The following FAM107B variants were observed in gnomAD, a reference collection of about 807,000 sequenced individuals.
The protein encoded by FAM107B is protein FAM107B.
In FAM107B, 21 loss-of-function variants were observed where a neutral mutation model predicts 31.5. That is an observed-to-expected ratio of 0.67 (90% CI 0.47 to 0.96). FAM107B has a LOEUF of 0.96. FAM107B is among the 40% of genes least tolerant of loss of function. The pLI, the probability that FAM107B is intolerant of heterozygous loss-of-function variation, is 0.00. For missense variants in FAM107B, 452 were observed against 377.1 expected (o/e 1.20, Z -1.64); for synonymous variants, 157 against 141.5 (o/e 1.11, Z -0.78).
intron 1 of FAM107B, among the ~76,000 whole-genome samples, chr10:14,734,441 A>G (rs956888956): frequency 6.6e-6 from 1 of 151,612 alleles, no homozygotes; most frequent in Non-Finnish European, 1.5e-5. Flanking sequence ...AGGTGGCACA[A>G]CACAAATTCA....
At chr10:14,614,865 GA>G (rs1210000526) in intron 2 of FAM107B, among the ~76,000 whole-genome samples, 24 of 151,968 alleles carry the variant, frequency 1.6e-4, no homozygotes, top group African/African-American at 5.6e-4. Context: ...ACCAACCCAA[GA>G]ATCACTCGGG....
At chr10:14,732,761 C>T (rs1039308997) in intron 1 of FAM107B, among the ~76,000 whole-genome samples, 1 of 147,564 alleles carries the variant, frequency 6.8e-6, no homozygotes, top group Non-Finnish European at 1.5e-5. Flanking sequence ...CATTGTTAAA[C>T]ATATAACATA....
At chr10:14,767,214 C>A (rs1778249265) in intron 1 of FAM107B, among the ~76,000 whole-genome samples, 1 of 149,712 alleles carries the variant, frequency 6.7e-6, no homozygotes, top group Non-Finnish European at 1.5e-5. Context: ...CTGCCTCAGC[C>A]TCCTGAGTAG....
chr10:14,553,218 A>T (rs577340226), intron 2 of FAM107B: 38 of 393,506 alleles, frequency 9.7e-5, no homozygotes, highest in African/African-American at 6.3e-4. Context: ...CAAATTAAAG[A>T]TGACTTCAAT....
intron 2 of FAM107B, among the ~76,000 whole-genome samples, chr10:14,544,253 C>T (rs921521705): frequency 3.3e-5 from 5 of 152,136 alleles, no homozygotes; most frequent in East Asian, 1.9e-4. Flanking sequence ...ATACCGTATA[C>T]GATAAATAAA....
chr10:14,762,418 A>G (rs1833068252), intron 1 of FAM107B, among the ~76,000 whole-genome samples: 1 of 152,230 alleles, frequency 6.6e-6, no homozygotes, highest in African/African-American at 2.4e-5. Context: ...GCGAATTAGC[A>G]TAAGAGACTT....
chr10:14,752,222 C>A (rs1382454942), intron 1 of FAM107B, among the ~76,000 whole-genome samples: 1 of 152,154 alleles, frequency 6.6e-6, no homozygotes, highest in Non-Finnish European at 1.5e-5. Flanking sequence ...AAAGTGAAGC[C>A]TGGAAAAAGG....
chr10:14,759,716 T>C lies in FAM107B; in HGVS notation c.411+14537A>G, dbSNP rs186848099. The stretch of plus-strand genomic sequence containing the variant: ...GTTTATGGTATAGAGCCTTCTTTTT[T>C]TTTCTTTTTTTTTAGATGGAGTCTC... On this transcript the variant is annotated intron_variant, in intron 1 of 4. Transcript: ENST00000181796. Among the ~76,000 whole-genome samples the C allele has an allele frequency of 7.7e-4, 117 of 152,284 alleles. 1 individual carries two copies. Among genetic ancestry groups the C allele is most frequent in the African/African-American group, 2.6e-3 (106 of 41,546 alleles).
At chr10:14,734,301 A>G (rs1328073408) in intron 1 of FAM107B, among the ~76,000 whole-genome samples, 1 of 152,128 alleles carries the variant, frequency 6.6e-6, no homozygotes, top group Non-Finnish European at 1.5e-5. Flanking sequence ...ACTGTCCCGC[A>G]CCAACTGCAG....
intron 3 of FAM107B, among the ~76,000 whole-genome samples, chr10:14,526,951 C>T (rs1846312697): frequency 6.6e-6 from 1 of 152,000 alleles, no homozygotes; most frequent in South Asian, 2.1e-4. Context: ...TATTCTCCTG[C>T]CTCAGCCTCC....
At chr10:14,693,601 T>G (rs1440423686) in intron 1 of FAM107B, among the ~76,000 whole-genome samples, 1 of 152,192 alleles carries the variant, frequency 6.6e-6, no homozygotes, top group East Asian at 1.9e-4. Flanking sequence ...TAATTTTGTG[T>G]GGCAAGAGCG....
intron 1 of FAM107B, among the ~76,000 whole-genome samples, chr10:14,746,961 C>A (rs1832737592): frequency 6.6e-6 from 1 of 152,146 alleles, no homozygotes; most frequent in South Asian, 2.1e-4. Flanking sequence ...TTTACATAAT[C>A]CCATCATTCT....
Position 14,518,795 on chromosome 10 carries a change from C to T in FAM107B, c.*2395G>A, listed in dbSNP as rs1268837137. 2 of 152,614 alleles carry T rather than the reference C, an allele frequency of 1.3e-5. No individual in the cohort carries two copies. The highest frequency in any genetic ancestry group is 2.4e-5 in the African/African-American group (1 of 41,434). The allele number at this position is 152,614 out of a possible 1,614,324, so 9.5% of individuals were successfully genotyped here. Reference sequence around the variant, plus strand: ...GACTGTTATAGCTTAGAAAGCAACACTACTACTATGAGACTATAAAACATT... The same window carrying T: ...GACTGTTATAGCTTAGAAAGCAACATTACTACTATGAGACTATAAAACATT... On this transcript the variant is annotated 3_prime_UTR_variant, in exon 5 of 5. Coordinates refer to ENST00000181796, the MANE Select transcript of FAM107B (RefSeq NM_031453.4).
At chr10:14,642,650 A>G (rs1018293316) in intron 2 of FAM107B, among the ~76,000 whole-genome samples, 3 of 152,094 alleles carry the variant, frequency 2.0e-5, no homozygotes, top group Non-Finnish European at 4.4e-5. Flanking sequence ...AGTATTTTCC[A>G]AGTCTGCAAG....
chr10:14,559,117 AC>A (rs757101787), intron 2 of FAM107B, among the ~76,000 whole-genome samples: 69 of 53,672 alleles, frequency 1.3e-3, no homozygotes, highest in East Asian at 7.7e-3. Flanking sequence ...AAAAAAAAAA[AC>A]AAAAAAAAAA....
intron 2 of FAM107B, among the ~76,000 whole-genome samples, chr10:14,572,542 T>C (rs1181707183): frequency 5.3e-5 from 8 of 151,622 alleles, no homozygotes; most frequent in Non-Finnish European, 1.5e-5. Flanking sequence ...TGCTAAGAAT[T>C]TTCTATGGGG....
At chr10:14,560,711 T>G (rs1162004591) in intron 2 of FAM107B, among the ~76,000 whole-genome samples, 1 of 152,220 alleles carries the variant, frequency 6.6e-6, no homozygotes, top group Non-Finnish European at 1.5e-5. Context: ...TGATTCAGCC[T>G]ATGTAAATGT....
chr10:14,631,566 C>G (rs1853354588), intron 2 of FAM107B, among the ~76,000 whole-genome samples: 1 of 152,186 alleles, frequency 6.6e-6, no homozygotes, highest in South Asian at 2.1e-4. Flanking sequence ...TGATTGATTT[C>G]TAAGAAGTCT....
chr10:14,658,622 CAA>C (rs1489866945), intron 2 of FAM107B, among the ~76,000 whole-genome samples: 1 of 152,194 alleles, frequency 6.6e-6, no homozygotes, highest in African/African-American at 2.4e-5. Flanking sequence ...GGGCAGAAAA[CAA>C]AGAGAAAAAG....
Sources: allele counts gnomAD v4.1 joint callset (sites outside exome capture counted in the v4.1 genomes callset), GRCh38; gene constraint gnomAD v4.1.1; transcripts MANE v1.5; gene names NCBI Gene and HGNC (gene_info 2026-07-23, HGNC 2026-07-21).